Variants in DLEU7 observed in about 807,000 individuals in gnomAD.
DLEU7 encodes the protein leukemia-associated protein 7.
In DLEU7, 17 loss-of-function variants were observed where a neutral mutation model predicts 16.0. The observed-to-expected ratio is 1.06, with a 90% confidence interval of 0.73 to 1.59. The LOEUF is 1.59. DLEU7 is among the 40% of genes most tolerant of loss of function. The pLI, the probability that DLEU7 is intolerant of heterozygous loss-of-function variation, is 0.00. For missense variants in DLEU7, 308 were observed against 314.9 expected, an observed-to-expected ratio of 0.98 and a Z score of 0.17; for synonymous variants, 113 against 139.8, an observed-to-expected ratio of 0.81 and a Z score of 1.35.
chr13:50,801,263 G>C (rs1251714235), intron 1 of DLEU7, among the ~76,000 whole-genome samples: 1 of 152,096 alleles, frequency 6.6e-6, no homozygotes, highest in Admixed American at 6.5e-5. Flanking sequence ...GCTCTCGGTA[G>C]CTGAAGCTGC....
intron 1 of DLEU7, among the ~76,000 whole-genome samples, chr13:50,743,277 TGG>T (rs1306994457): frequency 6.6e-6 from 1 of 151,948 alleles, no homozygotes; most frequent in African/African-American, 2.4e-5. Context: ...CACAGGCCTG[TGG>T]GACCAAGCAG....
intron 1 of DLEU7, among the ~76,000 whole-genome samples, chr13:50,802,443 G>C (rs1382729355): frequency 2.0e-5 from 3 of 152,144 alleles, no homozygotes; most frequent in Non-Finnish European, 2.9e-5. Flanking sequence ...GAAATTCTTA[G>C]ATAGCAAGCC....
chr13:50,761,300 A>T (rs993997118), intron 1 of DLEU7, among the ~76,000 whole-genome samples: 3 of 152,204 alleles, frequency 2.0e-5, no homozygotes, highest in Admixed American at 2.0e-4. Flanking sequence ...CATCGGCAGC[A>T]GTGGTTTGTC....
At chr13:50,834,756 A>G (rs529654417) in intron 1 of DLEU7, among the ~76,000 whole-genome samples, 1 of 152,302 alleles carries the variant, frequency 6.6e-6, no homozygotes, top group East Asian at 1.9e-4. Flanking sequence ...TGTTTATTGC[A>G]GCACTATTCA....
At chr13:50,751,983 T>C (rs901297905) in intron 1 of DLEU7, among the ~76,000 whole-genome samples, 6 of 152,112 alleles carry the variant, frequency 3.9e-5, no homozygotes, top group African/African-American at 1.4e-4. Flanking sequence ...TGCTGCATTT[T>C]GGTTTGGTTT....
chr13:50,803,365 A>G (rs1483495433), intron 1 of DLEU7, among the ~76,000 whole-genome samples: 1 of 152,156 alleles, frequency 6.6e-6, no homozygotes, highest in Non-Finnish European at 1.5e-5. Flanking sequence ...TGAATTAATA[A>G]TGCTTTGCCC....
At chr13:50,734,419 A>T (rs1011924987) in intron 1 of DLEU7, among the ~76,000 whole-genome samples, 1 of 152,124 alleles carries the variant, frequency 6.6e-6, no homozygotes, top group Non-Finnish European at 1.5e-5. Flanking sequence ...TCAAAATAAG[A>T]TTTTTAAAAC....
chr13:50,822,680 G>T, downstream of DLEU7: 3 of 985,222 alleles, frequency 3.0e-6, no homozygotes, highest in Non-Finnish European at 3.6e-6. Context: ...TATCATACAT[G>T]ATTGGTACTT....
chr13:50,725,598 T>A (rs1873742766), intron 1 of DLEU7, among the ~76,000 whole-genome samples: 1 of 152,148 alleles, frequency 6.6e-6, no homozygotes, highest in Non-Finnish European at 1.5e-5. Context: ...CCGTGTAGCA[T>A]AATTTCATGT....
intron 1 of DLEU7, among the ~76,000 whole-genome samples, chr13:50,729,141 T>C (rs1873846774): frequency 6.6e-6 from 1 of 152,212 alleles, no homozygotes; most frequent in African/African-American, 2.4e-5. Flanking sequence ...AAAATAAGCA[T>C]AGTACTCCAT....
At chr13:50,778,426 G>A (rs1875563417) in intron 1 of DLEU7, among the ~76,000 whole-genome samples, 2 of 152,126 alleles carry the variant, frequency 1.3e-5, no homozygotes. Context: ...CTCCATCTCT[G>A]ACTTCCTCCA....
chr13:50,720,397 G>A (rs1415167639), intron 1 of DLEU7, among the ~76,000 whole-genome samples: 1 of 152,194 alleles, frequency 6.6e-6, no homozygotes, highest in Non-Finnish European at 1.5e-5. Flanking sequence ...GGCAAGATCA[G>A]GCTGAAACAT....
intron 1 of DLEU7, among the ~76,000 whole-genome samples, chr13:50,789,600 T>C (rs1490076937): frequency 6.6e-6 from 1 of 152,048 alleles, no homozygotes; most frequent in African/African-American, 2.4e-5. Context: ...CTAAGTTATA[T>C]GGCCTGTTAG....
At chr13:50,840,318 C>A (rs1877605663) in intron 1 of DLEU7, among the ~76,000 whole-genome samples, 1 of 152,138 alleles carries the variant, frequency 6.6e-6, no homozygotes, top group Non-Finnish European at 1.5e-5. Context: ...ATAACCAGCC[C>A]CCTGGAAAGA....
intron 1 of DLEU7, among the ~76,000 whole-genome samples, chr13:50,745,778 G>A (rs1310760746): frequency 3.3e-5 from 5 of 151,878 alleles, no homozygotes; most frequent in Non-Finnish European, 5.9e-5. Context: ...GCCTCTGGTG[G>A]GTACTCTCTG....
intron 1 of DLEU7, among the ~76,000 whole-genome samples, chr13:50,768,864 T>TAC (rs1486456877): frequency 6.6e-6 from 1 of 152,188 alleles, no homozygotes; most frequent in East Asian, 1.9e-4. Flanking sequence ...TGCCACACCA[T>TAC]CTTCCACAAT....
chr13:50,713,055 G>A (rs1211496585), exon 2 of DLEU7: 3 of 710,156 alleles, frequency 4.2e-6, no homozygotes, highest in Non-Finnish European at 7.1e-6. Context: ...GATCCACAGA[G>A]ACCATGCAAT....
chr13:50,715,261 T>C (rs1358874187), intron 1 of DLEU7, among the ~76,000 whole-genome samples: 2 of 152,248 alleles, frequency 1.3e-5, no homozygotes, highest in African/African-American at 2.4e-5. Context: ...ATTTTGAGCC[T>C]ACCCGATAAT....
At chr13:50,806,129 TTCTC>T (rs1166354685) in intron 1 of DLEU7, among the ~76,000 whole-genome samples, 1 of 151,988 alleles carries the variant, frequency 6.6e-6, no homozygotes, top group Non-Finnish European at 1.5e-5. Context: ...CCACTAAGTC[TTCTC>T]TCTCTCTCAT....
Sources: allele counts gnomAD v4.1 joint callset (sites outside exome capture counted in the v4.1 genomes callset), GRCh38; gene constraint gnomAD v4.1.1; transcripts MANE v1.5; gene names NCBI Gene and HGNC (gene_info 2026-07-23, HGNC 2026-07-21).